ERICH3: variants seen among roughly 807,000 people sequenced by gnomAD.
The protein encoded by ERICH3 is glutamate rich 3.
ERICH3 carries 126 observed loss-of-function variants against 131.1 expected under a neutral mutation model. The observed-to-expected ratio is 0.96, with a 90% CI of 0.83 to 1.11. The LOEUF (loss-of-function observed/expected upper bound fraction) is 1.11, where lower values mean the gene tolerates loss of function less well. ERICH3 is among the 50% of genes most tolerant of loss of function. The pLI, the probability that ERICH3 is intolerant of heterozygous loss-of-function variation, is 0.00. For synonymous variants in ERICH3, 695 were observed against 644.6 expected (o/e 1.08, Z -1.18); for missense variants, 2,050 against 1,810.7 (o/e 1.13, Z -2.40).
chr1:74,571,787 G>T lies in ERICH3; in HGVS notation c.3923C>A (p.Ala1308Glu), dbSNP rs138615520. 3 of 1,613,620 alleles carry T rather than the reference G, an allele frequency of 1.9e-6. No individual in the cohort carries two copies. Among genetic ancestry groups the T allele is most frequent in the African/African-American group, 2.7e-5 (2 of 74,850 alleles). ...CCCTTCCGAGTTCCTGTCCTGCATC[G>T]CTTCTGTCTCCAGAGTGCACTCTTT... Reference protein sequence around the residue: ...EDKECTLETEAMQDRNSEGDG... With the variant: ...EDKECTLETEEMQDRNSEGDG... Residue 1308 changes from alanine (A) to glutamate (E), a missense_variant, in exon 14 of 15, where the codon GCG becomes GAG. Physicochemically the swap from Ala to Glu is moderately radical, Grantham distance 107 (BLOSUM62 -1). Transcript: ENST00000326665.
intron 10 of ERICH3, among the ~76,000 whole-genome samples, chr1:74,606,072 T>G (rs1648378496): frequency 6.6e-6 from 1 of 150,592 alleles, no homozygotes; most frequent in African/African-American, 2.4e-5. Flanking sequence ...AGAGAAGCAG[T>G]GGAAGGCAGG....
intron 3 of ERICH3, among the ~76,000 whole-genome samples, chr1:74,644,436 A>C (rs1355141129): frequency 6.6e-6 from 1 of 151,990 alleles, no homozygotes; most frequent in African/African-American, 2.4e-5. Context: ...CCCAGTGCTC[A>C]TCTTATTTGA....
intron 1 of ERICH3, 108 bp downstream of exon 1, chr1:74,673,389 C>T: frequency 1.5e-6 from 2 of 1,362,648 alleles, no homozygotes; most frequent in Non-Finnish European, 2.0e-6. Flanking sequence ...CCAGCCCTCC[C>T]CCTCGCTCCC....
At chr1:74,614,545 C>T (rs555593801) in intron 8 of ERICH3, among the ~76,000 whole-genome samples, 2,129 of 150,866 alleles carry the variant, frequency 0.014, 72 homozygotes, top group African/African-American at 0.05. Context: ...GGCGTGGTAG[C>T]GGGCACCTGT....
intron 8 of ERICH3, among the ~76,000 whole-genome samples, chr1:74,615,869 T>C (rs370095880): frequency 1.3e-5 from 2 of 152,052 alleles, no homozygotes; most frequent in Non-Finnish European, 2.9e-5. Context: ...TGATTTAGAG[T>C]GCAAGGAGAA....
intron 12 of ERICH3, among the ~76,000 whole-genome samples, chr1:74,589,016 GAAC>G (rs1267699438): frequency 6.6e-6 from 1 of 152,090 alleles, no homozygotes; most frequent in Non-Finnish European, 1.5e-5. Flanking sequence ...ATAAGTTCTG[GAAC>G]AACTCTGCCT....
chr1:74,608,684 TA>T (rs979286860), intron 9 of ERICH3, among the ~76,000 whole-genome samples: 1 of 152,088 alleles, frequency 6.6e-6, no homozygotes, highest in Admixed American at 6.6e-5. Flanking sequence ...TATCAGGCTG[TA>T]AAAAATGAGA....
intron 1 of ERICH3, among the ~76,000 whole-genome samples, chr1:74,664,322 A>AC (rs1196221299): frequency 6.6e-6 from 1 of 152,006 alleles, no homozygotes; most frequent in East Asian, 1.9e-4. Context: ...AAAAAAAAAA[A>AC]AACTTGTATC....
At chr1:74,643,734 G>A (rs1293463285) in intron 3 of ERICH3, among the ~76,000 whole-genome samples, 2 of 152,124 alleles carry the variant, frequency 1.3e-5, no homozygotes, top group African/African-American at 4.8e-5. Context: ...CAAAGGCACT[G>A]AAGCAGAGGA....
chr1:74,644,135 C>G (rs1279457464), intron 3 of ERICH3, among the ~76,000 whole-genome samples: 1 of 151,936 alleles, frequency 6.6e-6, no homozygotes, highest in African/African-American at 2.4e-5. Context: ...AATGTTTCCC[C>G]TCTGTTCTTG....
chr1:74,659,657 GT>G (rs1284064413), intron 1 of ERICH3, among the ~76,000 whole-genome samples: 1 of 152,182 alleles, frequency 6.6e-6, no homozygotes, highest in Admixed American at 6.5e-5. Flanking sequence ...AACAGCAACT[GT>G]TTATTGTGTG....
chr1:74,586,959 A>G (rs1005724690), intron 12 of ERICH3, among the ~76,000 whole-genome samples: 4 of 152,180 alleles, frequency 2.6e-5, no homozygotes, highest in African/African-American at 9.6e-5. Flanking sequence ...ACTTTTCTCT[A>G]TTGTCTAAAT....
At chr1:74,654,022 G>C (rs1036370466) in intron 1 of ERICH3, among the ~76,000 whole-genome samples, 2 of 152,120 alleles carry the variant, frequency 1.3e-5, no homozygotes, top group African/African-American at 2.4e-5. Context: ...TTTATTATAA[G>C]ATTGCCTTTT....
rs190477023 is a variant in ERICH3 at position 74,642,877 on chromosome 1, T to C, written c.315+150A>G. Reference sequence around the variant, plus strand: ...CACAATCTTCTGTAATGATGATGGCTAAGATTTAGGCTTGGTGAACCATCA... The same window carrying C: ...CACAATCTTCTGTAATGATGATGGCCAAGATTTAGGCTTGGTGAACCATCA... On this transcript the variant is annotated intron_variant, in intron 4 of 14. Transcript: ENST00000326665. 119 of 584,068 alleles carry C rather than the reference T, an allele frequency of 2.0e-4. No individual in the cohort carries two copies. In the African/African-American group the frequency reaches 2.1e-3, roughly 10 times the overall value. The allele number at this position is 584,068 out of a possible 1,614,324, so 36.2% of individuals were successfully genotyped here.
intron 1 of ERICH3, among the ~76,000 whole-genome samples, chr1:74,657,407 T>G (rs1646595712): frequency 6.6e-6 from 1 of 152,172 alleles, no homozygotes; most frequent in Non-Finnish European, 1.5e-5. Flanking sequence ...ATAAGAAAAC[T>G]CTTTGCCAAC....
In ERICH3 at chr1:74,609,221, T is replaced by G. The variant is rs190406772; in HGVS notation, c.1188-2319A>C. ...TGAGTACAGTTGTGGAACCTTACAC[T>G]TTGGAAGTGACCACTGCTCAGCTTT... is the stretch of plus-strand genomic sequence containing the variant. On this transcript the variant is annotated intron_variant, in intron 9 of 14. Transcript: ENST00000326665. Among the ~76,000 whole-genome samples, 114 of 152,130 alleles carry G rather than the reference T, an allele frequency of 7.5e-4. 1 individual carries two copies. Among genetic ancestry groups the G allele is most frequent in the Non-Finnish European group, 4.1e-4 (28 of 67,942 alleles).
chr1:74,663,061 CT>C (rs1362221739), intron 1 of ERICH3, among the ~76,000 whole-genome samples: 1 of 152,146 alleles, frequency 6.6e-6, no homozygotes, highest in East Asian at 1.9e-4. Flanking sequence ...CCAAATTACT[CT>C]CTCCAGGATG....
chr1:74,635,862 A>G (rs989454533), intron 6 of ERICH3, among the ~76,000 whole-genome samples: 1 of 152,222 alleles, frequency 6.6e-6, no homozygotes, highest in Non-Finnish European at 1.5e-5. Context: ...AATTTCATAC[A>G]TTGATGGGAA....
Position 74,571,313 on chromosome 1 carries a change from TGC to T in ERICH3, c.4395_4396del (p.Gln1466GlyfsTer6). 1 of 1,614,104 alleles carries T rather than the reference TGC, an allele frequency of 6.2e-7. No individual in the cohort carries two copies. On this transcript the variant is annotated frameshift_variant, in exon 14 of 15. Transcript: ENST00000326665. LOFTEE classifies it high-confidence loss of function. ...GAATTTTTCAGCTGCTCCTGTCTCC[TGC>T]CTCCCATCGCCACTCCCAGTGGCTG... is the stretch of plus-strand genomic sequence containing the variant.
Sources: gnomAD v4.1 joint callset for allele counts (sites outside exome capture counted in the v4.1 genomes callset) on GRCh38, gnomAD v4.1.1 for gene constraint, MANE v1.5 for transcripts, NCBI Gene and HGNC (gene_info 2026-07-23, HGNC 2026-07-21) for gene names.